The following RGL3 variants were observed in gnomAD, a reference collection of about 807,000 sequenced individuals.
RGL3 encodes ral guanine nucleotide dissociation stimulator-like 3.
In RGL3, 85 loss-of-function variants were observed where a neutral mutation model predicts 90.6. The observed-to-expected ratio is 0.94, with a 90% confidence interval of 0.79 to 1.12. The LOEUF is 1.12. Among genes scored for constraint, RGL3 ranks in the 50% most tolerant of loss-of-function variants. RGL3 has a pLI of 0.00. For missense variants in RGL3, 1,034 were observed against 939.2 expected (o/e 1.10, Z -1.32); for synonymous variants, 408 against 385.5 (o/e 1.06, Z -0.68).
At position 11,397,523 on chromosome 19, in the gene RGL3, C is replaced by T. The variant is rs201609417; in HGVS notation, c.1821G>A (p.Pro607=). The change falls in exon 17 of 19, where the codon CCG becomes CCA. Residue 607 remains proline (P), a synonymous_variant. Transcript: ENST00000380456. The part of the protein sequence containing the change: ...LPLGSPRIPL[P]AQQSSEARVI... The stretch of plus-strand genomic sequence containing the variant: ...CACGGGCCTCCGAGCTCTGCTGCGC[C>T]GGGAGGGGGATTCGAGGGCTGCCCA... 1,596 of 1,613,204 alleles carry T rather than the reference C, an allele frequency of 9.9e-4. 12 individuals carry two copies. The highest frequency in any genetic ancestry group is 9.1e-3 in the South Asian group (825 of 91,022).
rs1969015229 is a variant in RGL3 at position 11,417,057 on chromosome 19, A to G, written c.150T>C (p.Ala50=). 6.3e-7 allele frequency: 1 copy of G among 1,590,814 alleles called. No homozygotes were observed. Among genetic ancestry groups the G allele is most frequent in the Non-Finnish European group, 8.6e-7 (1 of 1,167,600 alleles). The change falls in exon 3 of 19, where the codon GCT becomes GCC. Residue 50 remains alanine (A), a splice_region_variant and synonymous_variant. Coordinates refer to ENST00000380456, the MANE Select transcript of RGL3 (RefSeq NM_001035223.4). ...GGAAGGTATTGGCAATGGGGCTGGG[A>G]GCCTGCAGGAGGGGAGAGGTGGCCA... ...SPAEGPGGSQ[A]PSPIANTFLH...
In RGL3 at chr19:11,416,312, G is replaced by C. The variant is rs569053454; in HGVS notation, c.426-164C>G. On this transcript the variant is annotated intron_variant, in intron 4 of 18. Coordinates refer to ENST00000380456, the MANE Select transcript of RGL3 (RefSeq NM_001035223.4). ...TGACTCACTGCAACCTCAGCCTCCC[G>C]AGTAGCTGGGACTACAGGCATGCGC... is the stretch of plus-strand genomic sequence containing the variant. 4.7e-6 allele frequency: 3 copies of C among 633,388 alleles called. No homozygotes were observed. In the African/African-American group the frequency reaches 5.6e-5, roughly 12 times the overall value. 39.2% of individuals were successfully genotyped at this position (633,388 alleles called of 1,614,324 possible). A position where few individuals can be genotyped will look rare whatever the true frequency, so the allele number is the denominator to read the frequency against.
At chr19:11,402,278 C>T in intron 11 of RGL3, 31 bp from the exon 12 acceptor site, 1 of 1,605,500 alleles carries the variant, frequency 6.2e-7, no homozygotes. Flanking sequence ...AATTGCAGCA[C>T]CCAGGGTCAA....
chr19:11,416,810 T>C (rs2144743688), intron 3 of RGL3, 26 bp downstream of exon 3: 2 of 1,611,502 alleles, frequency 1.2e-6, no homozygotes, highest in Non-Finnish European at 1.7e-6. Flanking sequence ...GGGTGGAGAA[T>C]ACGGAGGTTA....
Position 11,400,065 on chromosome 19 carries a change from C to T in RGL3, c.1624G>A (p.Gly542Arg), listed in dbSNP as rs761507920. 26 of 1,609,206 alleles carry T rather than the reference C, an allele frequency of 1.6e-5. No homozygotes were observed. The highest frequency in any genetic ancestry group is 1.7e-4 in the Middle Eastern group (1 of 6,046). ...CTGGAGGTGGGGGATGAGGGGTCCC[C>T]GGGACTCCCACTAGGTGATGAGCTT... ...EKSSSPSGSP[G>R]DPSSPTSSVS... The change falls in exon 15 of 19, where the codon GGG (glycine) becomes AGG (arginine). Residue 542 changes from glycine to arginine, a missense_variant. Gly to Arg is a moderately radical substitution (Grantham distance 125, BLOSUM62 -2). Coordinates refer to ENST00000380456, the MANE Select transcript of RGL3 (RefSeq NM_001035223.4).
At chr19:11,412,276 G>A (rs1366913697) in intron 5 of RGL3, among the ~76,000 whole-genome samples, 6 of 123,242 alleles carry the variant, frequency 4.9e-5, no homozygotes, top group Admixed American at 1.9e-4. Flanking sequence ...GCGAAACTCC[G>A]TCTCAAAAAA....
At chr19:11,400,794 A>G (rs1968661904) in intron 13 of RGL3, among the ~76,000 whole-genome samples, 1 of 151,694 alleles carries the variant, frequency 6.6e-6, no homozygotes, top group African/African-American at 2.4e-5. Context: ...GGCGGGGGCT[A>G]CAGTGAGCCG....
intron 1 of RGL3, 68 bp from the exon 2 acceptor site, chr19:11,418,852 C>A: frequency 7.6e-7 from 1 of 1,307,292 alleles, no homozygotes; most frequent in Admixed American, 2.5e-5. Context: ...TCCTTGGCCG[C>A]TCGGACTCGG....
At chr19:11,400,856 AAAATAAAT>A (rs36155093) in intron 13 of RGL3, among the ~76,000 whole-genome samples, 2,297 of 145,550 alleles carry the variant, frequency 0.016, 28 homozygotes, top group Middle Eastern at 0.034. Context: ...CTCTGTCTCA[AAAATAAAT>A]AAATAAATAA....
intron 5 of RGL3, among the ~76,000 whole-genome samples, chr19:11,413,638 A>G (rs1171901738): frequency 1.3e-5 from 2 of 151,076 alleles, no homozygotes; most frequent in Non-Finnish European, 2.9e-5. Flanking sequence ...TAAGCCCAGG[A>G]GTTCGAGACC....
Position 11,406,496 on chromosome 19 carries a change from C to T in RGL3, c.919G>A (p.Gly307Ser). ...QFNTVTGCVL[G>S]SVLGAPGLAA... ...AAGCCCGGTGCTCCGAGCACGGAAC[C>T]CAGCACACAGCCGGTCACGGTGTTG... Residue 307 changes from glycine to serine, a missense_variant, in exon 7 of 19, where the codon GGT (glycine) becomes AGT (serine). Physicochemically the swap from Gly to Ser is moderately conservative, Grantham distance 56 (BLOSUM62 0). Transcript: ENST00000380456. 1 of 1,555,510 alleles carries T rather than the reference C, an allele frequency of 6.4e-7. No homozygotes were observed. Among genetic ancestry groups the T allele is most frequent in the Non-Finnish European group, 8.7e-7 (1 of 1,152,252 alleles).
At position 11,400,241 on chromosome 19, in the gene RGL3, C is replaced by T. The variant is rs1347473383; in HGVS notation, c.1541G>A (p.Arg514His). 5.0e-6 allele frequency: 8 copies of T among 1,596,352 alleles called. No homozygotes were observed. The highest frequency in any genetic ancestry group is 4.6e-5 in the East Asian group (2 of 43,636). Reference sequence around the variant, plus strand: ...GGTGAGGCTGATCCGCCGTCGGATGCGTGGGGAGCTGGGGCAGGAGGCAGC... The same window carrying T: ...GGTGAGGCTGATCCGCCGTCGGATGTGTGGGGAGCTGGGGCAGGAGGCAGC... ...PPAASCPSSP[R>H]IRRRISLTKR... Residue 514 changes from arginine to histidine, a missense_variant, in exon 14 of 19, where the codon CGC becomes CAC. By Grantham distance (29) the Arg-to-His change is conservative (BLOSUM62 0). Coordinates refer to ENST00000380456, the MANE Select transcript of RGL3 (RefSeq NM_001035223.4).
intron 5 of RGL3, among the ~76,000 whole-genome samples, chr19:11,415,002 C>A (rs142636214): frequency 0.012 from 1,813 of 151,828 alleles, 29 homozygotes; most frequent in African/African-American, 0.04. Context: ...TGGTGACATG[C>A]GCCTGTGGTC....
At position 11,405,338 on chromosome 19, in the gene RGL3, C is replaced by T. The variant is rs201989374; in HGVS notation, c.1085G>A (p.Trp362Ter). 1.2e-6 allele frequency: 2 copies of T among 1,613,320 alleles called. No individual in the cohort carries two copies. The highest frequency in any genetic ancestry group is 1.3e-5 in the African/African-American group (1 of 74,976). Residue 362 changes from tryptophan (W) to a stop codon, truncating the protein, a stop_gained, in exon 8 of 19, where the codon TGG becomes TAG. Transcript: ENST00000380456. LOFTEE classifies it high-confidence loss of function. ...SNPIYRLKRS[W>*]GAVSREPLST... ...CCCAGCTCACCGGCTCACTGCCCCC[C>T]AGCTGCGCTTGAGCCGGTAGATGGG...
At position 11,399,944 on chromosome 19, in the gene RGL3, G is replaced by A; in HGVS notation, c.1657C>T (p.Pro553Ser). Residue 553 changes from proline to serine, a missense_variant, in exon 16 of 19, where the codon CCA becomes TCA. Pro to Ser is a moderately conservative substitution (Grantham distance 74). Coordinates refer to ENST00000380456, the MANE Select transcript of RGL3 (RefSeq NM_001035223.4). ...DPSSPTSSVSPGSPPSSPRSR... is the reference protein window; with the variant it reads ...DPSSPTSSVSSGSPPSSPRSR... ...CTAGGACTTGAGGGGGGTGACCCTG[G>A]GGACACACTGGGGGAGATGCAGAGG... is the stretch of plus-strand genomic sequence containing the variant. 1 of 1,551,790 alleles carries A rather than the reference G, an allele frequency of 6.4e-7. No homozygotes were observed. Among genetic ancestry groups the A allele is most frequent in the Non-Finnish European group, 8.7e-7 (1 of 1,155,768 alleles).
At chr19:11,409,408 G>C (rs1005749966) in intron 5 of RGL3, among the ~76,000 whole-genome samples, 1 of 151,978 alleles carries the variant, frequency 6.6e-6, no homozygotes, top group Non-Finnish European at 1.5e-5. Flanking sequence ...GTGAACCGGC[G>C]AGGCGGAGCT....
intron 8 of RGL3, 23 bp downstream of exon 8, chr19:11,405,300 G>A: frequency 2.5e-6 from 4 of 1,612,638 alleles, no homozygotes; most frequent in Non-Finnish European, 3.4e-6. Flanking sequence ...ATGGGCTGGG[G>A]AACAGGTCCC....
At position 11,406,552 on chromosome 19, in the gene RGL3, G is replaced by T. The variant is rs1210239522; in HGVS notation, c.863C>A (p.Ser288Tyr). ...QRDRPGAAGA[S>Y]PTVRATVAQF... ...GGCCACGGTGGCGCGCACAGTGGGG[G>T]AGGCGCCTGCAGCCCCCGGCCGGTC... The change falls in exon 7 of 19, where the codon TCC (serine) becomes TAC (tyrosine). Residue 288 changes from serine to tyrosine, a missense_variant. By Grantham distance (144) the Ser-to-Tyr change is moderately radical. Transcript: ENST00000380456. 6.5e-7 allele frequency: 1 copy of T among 1,550,058 alleles called. No individual in the cohort carries two copies. Among genetic ancestry groups the T allele is most frequent in the South Asian group, 1.2e-5 (1 of 84,150 alleles).
At chr19:11,413,081 G>T (rs901721156) in intron 5 of RGL3, among the ~76,000 whole-genome samples, 1 of 152,066 alleles carries the variant, frequency 6.6e-6, no homozygotes, top group Non-Finnish European at 1.5e-5. Context: ...TGACCTCAAA[G>T]AAACTAGGGC....
Sources: allele counts gnomAD v4.1 joint callset (sites outside exome capture counted in the v4.1 genomes callset), GRCh38; gene constraint gnomAD v4.1.1; transcripts MANE v1.5; gene names NCBI Gene and HGNC (gene_info 2026-07-23, HGNC 2026-07-21).